Variants in SMOC2 observed in about 807,000 individuals in gnomAD.
The protein encoded by SMOC2 is SPARC related modular calcium binding 2.
SMOC2 carries 39 observed loss-of-function variants against 61.4 expected under a neutral mutation model. The observed-to-expected ratio is 0.64, with a 90% CI of 0.49 to 0.83. SMOC2 has a LOEUF of 0.83. Ranked by LOEUF, SMOC2 falls within the 40% of genes least tolerant of loss-of-function variation. The pLI, the probability that SMOC2 is intolerant of heterozygous loss-of-function variation, is 0.00. For missense variants in SMOC2, 556 were observed against 592.9 expected (o/e 0.94, Z 0.65); for synonymous variants, 247 against 239.9 (o/e 1.03, Z -0.27).
intron 9 of SMOC2, among the ~76,000 whole-genome samples, chr6:168,647,490 C>A (rs535511674): frequency 1.6e-3 from 236 of 152,190 alleles, no homozygotes; most frequent in Admixed American, 3.9e-3. Context: ...AGCGCCCCTG[C>A]GAGGGACGAG....
At chr6:168,448,539 G>C (rs569935692) in intron 1 of SMOC2, among the ~76,000 whole-genome samples, 12 of 149,698 alleles carry the variant, frequency 8.0e-5, no homozygotes, top group Admixed American at 6.6e-5. Flanking sequence ...ATGAGGATGG[G>C]GAGGAGGACG....
At chr6:168,478,360 A>G (rs1007431489) in intron 1 of SMOC2, among the ~76,000 whole-genome samples, 2 of 152,202 alleles carry the variant, frequency 1.3e-5, no homozygotes, top group Admixed American at 6.5e-5. Flanking sequence ...GTGGTAGATG[A>G]TGGTATACTA....
chr6:168,466,716 T>G (rs577570465), intron 1 of SMOC2, among the ~76,000 whole-genome samples: 2 of 152,314 alleles, frequency 1.3e-5, no homozygotes, highest in Admixed American at 1.3e-4. Flanking sequence ...CCACGAAGGG[T>G]GCACCTGCAA....
intron 7 of SMOC2, among the ~76,000 whole-genome samples, chr6:168,581,983 C>T (rs1199384491): frequency 6.6e-6 from 1 of 152,200 alleles, no homozygotes; most frequent in Non-Finnish European, 1.5e-5. Flanking sequence ...CCCAAACAAT[C>T]AGCATTAGCT....
intron 2 of SMOC2, among the ~76,000 whole-genome samples, chr6:168,517,000 C>T (rs1043396069): frequency 2.0e-5 from 3 of 152,264 alleles, no homozygotes; most frequent in Non-Finnish European, 4.4e-5. Flanking sequence ...CTGTTCTTTC[C>T]GTTGGTGAAC....
rs535982251 is a variant in SMOC2 at position 168,544,958 on chromosome 6, G to T, written c.511+1286G>T. On this transcript the variant is annotated intron_variant, in intron 5 of 12. Transcript: ENST00000356284. The surrounding 1 kb of genome is among the most constrained non-coding windows in gnomAD (Gnocchi z 4.1). ...GGAACAGAAGAAGCCTCACAGTCAAGGAAGATAGCTCATTTTCCAGCCGAA... is the reference window on the plus strand; with the variant it reads ...GGAACAGAAGAAGCCTCACAGTCAATGAAGATAGCTCATTTTCCAGCCGAA... Among the ~76,000 whole-genome samples, 1 of 152,228 alleles carries T rather than the reference G, an allele frequency of 6.6e-6. No homozygotes were observed. The highest frequency in any genetic ancestry group is 1.5e-5 in the Non-Finnish European group (1 of 68,022).
intron 7 of SMOC2, among the ~76,000 whole-genome samples, chr6:168,596,214 A>G (rs9364467): frequency 0.037 from 2,456 of 65,612 alleles, 1 homozygote; most frequent in East Asian, 0.073. Context: ...GGCATGAACA[A>G]GCGCCACGTG....
At chr6:168,565,732 C>G (rs1164383988) in intron 7 of SMOC2, among the ~76,000 whole-genome samples, 1 of 152,160 alleles carries the variant, frequency 6.6e-6, no homozygotes, top group Non-Finnish European at 1.5e-5. Context: ...GTCCTCAGGT[C>G]TATTGACGGC....
rs374782492 is a variant in SMOC2 at position 168,553,499 on chromosome 6, T to C, written c.637+4296T>C. 4.6e-5 allele frequency among the ~76,000 whole-genome samples: 7 copies of C among 152,234 alleles called. No individual in the cohort carries two copies. In the East Asian group the frequency reaches 1.2e-3, roughly 25 times the overall value. ...ATTAAGTACTTTCTAGATTTCTGCC[T>C]GATTTCCTTTAAAACCAATCTAAAA... On this transcript the variant is annotated intron_variant, in intron 7 of 12. Transcript: ENST00000356284. The surrounding 1 kb of genome is among the most constrained non-coding windows in gnomAD (Gnocchi z 4.2).
At chr6:168,479,880 C>T (rs1376086416) in intron 1 of SMOC2, among the ~76,000 whole-genome samples, 1 of 152,182 alleles carries the variant, frequency 6.6e-6, no homozygotes. Flanking sequence ...TGGCACACTT[C>T]ACCCAAAACC....
At chr6:168,659,725 T>G in intron 11 of SMOC2, among the ~76,000 whole-genome samples, 1 of 150,126 alleles carries the variant, frequency 6.7e-6, no homozygotes. Flanking sequence ...TGAGTGAGGG[T>G]GGAGGTTGTA....
chr6:168,598,799 G>T lies in SMOC2; in HGVS notation c.638-19G>T. The T allele has an allele frequency of 1.2e-6, 2 of 1,613,048 alleles. No homozygotes were observed. The highest frequency in any genetic ancestry group is 2.7e-5 in the African/African-American group (2 of 74,972). On this transcript the variant is annotated intron_variant, in intron 7 of 12. Transcript: ENST00000356284. ...CGTCGCTGGATCCTGCTCACCTTTT[G>T]CCTTCTTCTTCCCCGCAGTGTCATC...
intron 1 of SMOC2, among the ~76,000 whole-genome samples, chr6:168,444,434 TTGTC>T (rs1294736477): frequency 6.6e-6 from 1 of 152,164 alleles, no homozygotes; most frequent in Non-Finnish European, 1.5e-5. Context: ...AGAATCCACT[TTGTC>T]TGGTAATGAT....
chr6:168,565,402 G>A (rs1157209557), intron 7 of SMOC2, among the ~76,000 whole-genome samples: 4 of 152,014 alleles, frequency 2.6e-5, no homozygotes, highest in African/African-American at 9.7e-5. Flanking sequence ...TTCCCTCTGT[G>A]GTGTTCCCTC....
chr6:168,533,950 T>G (rs1369553822), intron 4 of SMOC2, among the ~76,000 whole-genome samples: 1 of 152,162 alleles, frequency 6.6e-6, no homozygotes, highest in Non-Finnish European at 1.5e-5. Flanking sequence ...TTTTATCTGT[T>G]TAAAATACTT....
At chr6:168,632,111 A>G (rs1025944980) in intron 9 of SMOC2, among the ~76,000 whole-genome samples, 1 of 152,240 alleles carries the variant, frequency 6.6e-6, no homozygotes, top group African/African-American at 2.4e-5. Flanking sequence ...CCCAAATCTT[A>G]CAAACATCTT....
At chr6:168,441,675 GC>G (rs1781213420) in intron 1 of SMOC2, among the ~76,000 whole-genome samples, 2 of 152,170 alleles carry the variant, frequency 1.3e-5, no homozygotes, top group Non-Finnish European at 2.9e-5. Context: ...GACCCTGCCC[GC>G]CGGGGTCCTG....
At chr6:168,608,367 A>G in intron 9 of SMOC2, 128 bp downstream of exon 9, 1 of 1,033,450 alleles carries the variant, frequency 9.7e-7, no homozygotes, top group Non-Finnish European at 1.4e-6. Flanking sequence ...GAGGCCTCCT[A>G]CCTCCTTGCA....
chr6:168,600,447 A>G (rs1785521347), intron 8 of SMOC2, among the ~76,000 whole-genome samples: 1 of 140,796 alleles, frequency 7.1e-6, no homozygotes, highest in Admixed American at 7.3e-5. Context: ...AAAAAAAAAC[A>G]GTAGTTTCAA....
Sources: gnomAD v4.1 joint callset for allele counts (sites outside exome capture counted in the v4.1 genomes callset) on GRCh38, gnomAD v4.1.1 for gene constraint, Gnocchi (gnomAD v3.1) non-coding constraint, MANE v1.5 for transcripts, NCBI Gene and HGNC (gene_info 2026-07-23, HGNC 2026-07-21) for gene names.